The following PLXNA4 variants were observed in gnomAD, a reference collection of about 807,000 sequenced individuals.
PLXNA4 encodes plexin A4.
A neutral mutation model predicts 191.8 loss-of-function variants in PLXNA4; 44 were observed. That is an observed-to-expected ratio of 0.23 (90% CI 0.18 to 0.29). The LOEUF is 0.29. Among genes scored for constraint, PLXNA4 ranks in the 10% least tolerant of loss-of-function variants. The pLI, the probability that PLXNA4 is intolerant of heterozygous loss-of-function variation, is 1.00. For synonymous variants in PLXNA4, 1,082 were observed against 1,009.5 expected, an observed-to-expected ratio of 1.07 and a Z score of -1.36; for missense variants, 1,800 against 2,488.8, an observed-to-expected ratio of 0.72 and a Z score of 5.89.
chr7:132,154,074 C>A lies in PLXNA4; in HGVS notation c.4660+5399G>T, dbSNP rs1795722628. On this transcript the variant is annotated intron_variant, in intron 25 of 31. Coordinates refer to ENST00000321063, the MANE Select transcript of PLXNA4 (RefSeq NM_020911.2). ...TCATGACCACATGCCTGGACCTCCA[C>A]CCCTGCCACCTTTTCTTACCTTGGG... is the stretch of plus-strand genomic sequence containing the variant. Among the ~76,000 whole-genome samples the A allele has an allele frequency of 2.0e-5, 3 of 152,162 alleles. No individual in the cohort carries two copies. In the South Asian group the frequency reaches 6.2e-4, roughly 32 times the overall value.
chr7:132,507,764 C>T lies in PLXNA4; in HGVS notation c.930G>A (p.Leu310=). The T allele has an allele frequency of 1.2e-6, 2 of 1,614,130 alleles. No homozygotes were observed. The highest frequency in any genetic ancestry group is 8.5e-7 in the Non-Finnish European group (1 of 1,180,034). The stretch of plus-strand genomic sequence containing the variant: ...CCGCTTTGGACAGGTAGGCAGCCTG[C>T]AGCAGGCGGTACTCCACCCCACTGC... The part of the protein sequence containing the change: ...CERSGVEYRL[L]QAAYLSKAGA... The change falls in exon 2 of 32, where the codon CTG becomes CTA. Residue 310 remains leucine (L), a synonymous_variant. Transcript: ENST00000321063.
intron 3 of PLXNA4, among the ~76,000 whole-genome samples, chr7:132,477,369 C>T (rs546832987): frequency 5.9e-5 from 9 of 152,308 alleles, no homozygotes; most frequent in Admixed American, 1.3e-4. Context: ...TTAACAACCA[C>T]GGCACGGTTC....
intron 4 of PLXNA4, among the ~76,000 whole-genome samples, chr7:132,267,898 G>A (rs1799915519): frequency 6.6e-6 from 1 of 152,138 alleles, no homozygotes; most frequent in African/African-American, 2.4e-5. Context: ...TGGCCATCAA[G>A]AGTTAACTCC....
intron 3 of PLXNA4, among the ~76,000 whole-genome samples, chr7:132,382,409 G>C (rs10278520): frequency 0.45 from 69,063 of 151,840 alleles, 18,255 homozygotes; most frequent in African/African-American, 0.73. Context: ...GCAGCCTACT[G>C]AAGTCTCAGT....
intron 2 of PLXNA4, among the ~76,000 whole-genome samples, chr7:132,494,805 T>C (rs1049138679): frequency 2.0e-5 from 3 of 152,138 alleles, no homozygotes; most frequent in Admixed American, 2.0e-4. Context: ...ATCATCTCCA[T>C]GAAAAGGGGA....
At chr7:132,361,977 A>G (rs1039487133) in intron 3 of PLXNA4, among the ~76,000 whole-genome samples, 3 of 152,228 alleles carry the variant, frequency 2.0e-5, no homozygotes, top group Admixed American at 6.5e-5. Context: ...CAATAACTCA[A>G]CTGGATCTAA....
chr7:132,457,562 C>A (rs936986997), intron 3 of PLXNA4, among the ~76,000 whole-genome samples: 1 of 152,134 alleles, frequency 6.6e-6, no homozygotes, highest in African/African-American at 2.4e-5. Context: ...GTGTGGTTGG[C>A]CAGATAATAG....
intron 4 of PLXNA4, among the ~76,000 whole-genome samples, chr7:132,242,139 T>C (rs1798899051): frequency 6.7e-6 from 1 of 149,118 alleles, no homozygotes; most frequent in South Asian, 2.1e-4. Context: ...GGTTTTTTTC[T>C]TTACAAAAAG....
rs117362487 is a variant in PLXNA4 at position 132,247,423 on chromosome 7, C to T, written c.1504-6257G>A. On this transcript the variant is annotated intron_variant, in intron 4 of 31. Coordinates refer to ENST00000321063, the MANE Select transcript of PLXNA4 (RefSeq NM_020911.2). ...GTCAAAAAAGAAAGAAAAAAAGAGG[C>T]AAGATGACCCATTAAGAAACTCCAA... 3.4e-3 allele frequency among the ~76,000 whole-genome samples: 514 copies of T among 152,266 alleles called. 2 individuals carry two copies. Among genetic ancestry groups the T allele is most frequent in the Non-Finnish European group, 4.9e-3 (332 of 68,030 alleles).
At chr7:132,528,256 G>T (rs1799484603) in intron 1 of PLXNA4, among the ~76,000 whole-genome samples, 2 of 152,204 alleles carry the variant, frequency 1.3e-5, no homozygotes, top group African/African-American at 4.8e-5. Context: ...AGGCGCAGCA[G>T]TTGGACACGA....
At chr7:132,349,222 C>T (rs926842470) in intron 3 of PLXNA4, among the ~76,000 whole-genome samples, 1 of 152,072 alleles carries the variant, frequency 6.6e-6, no homozygotes, top group Admixed American at 6.6e-5. Flanking sequence ...ACCTTTCAAC[C>T]CAGGAGCTGC....
At chr7:132,362,554 T>G (rs1173733554) in intron 3 of PLXNA4, among the ~76,000 whole-genome samples, 1 of 152,210 alleles carries the variant, frequency 6.6e-6, no homozygotes, top group African/African-American at 2.4e-5. Flanking sequence ...CTTCCTATAG[T>G]GCTGTGTTAA....
chr7:132,197,533 T>C (rs1449918287), intron 13 of PLXNA4, among the ~76,000 whole-genome samples: 1 of 152,144 alleles, frequency 6.6e-6, no homozygotes, highest in Admixed American at 6.5e-5. Context: ...TTTGGTTTCG[T>C]TCTAGAAAGG....
chr7:132,615,818 T>C (rs1474723573), intron 2 of PLXNA4, among the ~76,000 whole-genome samples: 1 of 151,690 alleles, frequency 6.6e-6, no homozygotes, highest in African/African-American at 2.4e-5. Flanking sequence ...CACACACACA[T>C]GCATTCATTC....
At chr7:132,416,871 G>A (rs1205668168) in intron 3 of PLXNA4, among the ~76,000 whole-genome samples, 1 of 152,132 alleles carries the variant, frequency 6.6e-6, no homozygotes, top group South Asian at 2.1e-4. Flanking sequence ...ATGGACTAGT[G>A]CCCCATTCTC....
intron 5 of PLXNA4, among the ~76,000 whole-genome samples, chr7:132,240,094 G>A (rs1330372053): frequency 2.0e-5 from 3 of 152,198 alleles, no homozygotes; most frequent in South Asian, 2.1e-4. Flanking sequence ...AATGTCATTG[G>A]TCACATGTAG....
chr7:132,259,850 T>C (rs1799574025), intron 4 of PLXNA4, among the ~76,000 whole-genome samples: 1 of 152,182 alleles, frequency 6.6e-6, no homozygotes, highest in Admixed American at 6.5e-5. Context: ...AAAATGCATA[T>C]TATTAAATGA....
At chr7:132,590,721 A>G (rs1802591434) in intron 2 of PLXNA4, among the ~76,000 whole-genome samples, 1 of 152,154 alleles carries the variant, frequency 6.6e-6, no homozygotes, top group African/African-American at 2.4e-5. Flanking sequence ...TGCCTCTCCT[A>G]GTCCAACTGA....
At chr7:132,136,282 G>T (rs905888710) in intron 30 of PLXNA4, among the ~76,000 whole-genome samples, 1 of 152,212 alleles carries the variant, frequency 6.6e-6, no homozygotes, top group African/African-American at 2.4e-5. Context: ...GCTCTGTTAA[G>T]GAACTTTAAA....
Sources: allele counts gnomAD v4.1 joint callset (sites outside exome capture counted in the v4.1 genomes callset), GRCh38; gene constraint gnomAD v4.1.1; transcripts MANE v1.5; gene names NCBI Gene and HGNC (gene_info 2026-07-23, HGNC 2026-07-21).